Variants in SPATA13 observed in about 807,000 individuals in gnomAD.
The protein encoded by SPATA13 is spermatogenesis-associated protein 13.
SPATA13 carries 50 observed loss-of-function variants against 104.0 expected under a neutral mutation model. That is an observed-to-expected ratio of 0.48 (90% CI 0.38 to 0.61). The LOEUF is 0.61. SPATA13 is among the 20% of genes least tolerant of loss of function. The pLI is 0.00. For synonymous variants in SPATA13, 606 were observed against 667.5 expected (o/e 0.91, Z 1.42); for missense variants, 1,524 against 1,690.6 (o/e 0.90, Z 1.73).
At chr13:24,271,009 CCACTCTCTCT>C in intron 4 of SPATA13, 2 of 813,718 alleles carry the variant, frequency 2.5e-6, no homozygotes, top group East Asian at 2.6e-5. Flanking sequence ...CTCTCTCTCT[CCACTCTCTCT>C]CACTCTCTCT....
chr13:24,082,115 A>G (rs1261694712), intron 3 of SPATA13, among the ~76,000 whole-genome samples: 1 of 152,240 alleles, frequency 6.6e-6, no homozygotes, highest in African/African-American at 2.4e-5. Flanking sequence ...CACTTACTGC[A>G]ATCTACTGTG....
intron 3 of SPATA13, among the ~76,000 whole-genome samples, chr13:24,106,102 T>G (rs1227753417): frequency 3.9e-5 from 6 of 152,218 alleles, no homozygotes; most frequent in Non-Finnish European, 8.8e-5. Flanking sequence ...GGCACAATCA[T>G]GGCTCACTGC....
At chr13:24,217,901 C>T (rs1871347440) in intron 1 of SPATA13, among the ~76,000 whole-genome samples, 1 of 152,186 alleles carries the variant, frequency 6.6e-6, no homozygotes, top group Non-Finnish European at 1.5e-5. Flanking sequence ...CTCCCACCAC[C>T]ACTGCCCACT....
chr13:24,079,121 G>A (rs952061600), intron 3 of SPATA13, among the ~76,000 whole-genome samples: 1 of 152,192 alleles, frequency 6.6e-6, no homozygotes, highest in Non-Finnish European at 1.5e-5. Flanking sequence ...AGTGGCAGAA[G>A]GGAAGAGGGG....
chr13:24,219,047 T>C (rs1255058912), intron 1 of SPATA13, among the ~76,000 whole-genome samples: 1 of 147,770 alleles, frequency 6.8e-6, no homozygotes, highest in African/African-American at 2.5e-5. Context: ...TCATACACCC[T>C]AGAATCCAGC....
chr13:24,270,599 G>T, intron 4 of SPATA13: 1 of 648,990 alleles, frequency 1.5e-6, no homozygotes, highest in Middle Eastern at 4.4e-4. Context: ...TATAGGTTTT[G>T]CCTTAGTTTA....
At chr13:24,000,237 G>C (rs1247405677) in intron 2 of SPATA13, among the ~76,000 whole-genome samples, 1 of 152,244 alleles carries the variant, frequency 6.6e-6, no homozygotes, top group African/African-American at 2.4e-5. Context: ...TGGCCTAGGG[G>C]CTGGGAAGCC....
chr13:24,279,521 AACCCAGGCTTAAGTGGTGGGAGGGG>A (rs768523793), intron 4 of SPATA13, among the ~76,000 whole-genome samples: 93 of 152,024 alleles, frequency 6.1e-4, no homozygotes, highest in Non-Finnish European at 1.1e-3. Flanking sequence ...GCTGGATGGG[AACCCAGGCTTAAGTGGTGGGAGGGG>A]ACCCAGGCTT....
intron 2 of SPATA13, among the ~76,000 whole-genome samples, chr13:24,226,037 CAGGT>C (rs1258916552): frequency 1.3e-5 from 2 of 152,200 alleles, no homozygotes; most frequent in Non-Finnish European, 2.9e-5. Flanking sequence ...TCTCTGCAGG[CAGGT>C]AGTCCCAATG....
intron 10 of SPATA13, among the ~76,000 whole-genome samples, chr13:24,295,642 G>A (rs1221034495): frequency 6.7e-6 from 1 of 148,486 alleles, no homozygotes; most frequent in Non-Finnish European, 1.5e-5. Flanking sequence ...CAAATACAAT[G>A]CCTGTAATAA....
chr13:24,110,774 T>G (rs1880613687), intron 3 of SPATA13, among the ~76,000 whole-genome samples: 1 of 152,170 alleles, frequency 6.6e-6, no homozygotes, highest in Admixed American at 6.5e-5. Context: ...TAAAGCAGAT[T>G]ACACATGGGA....
At chr13:24,160,332 G>A (rs939686849), upstream of SPATA13, among the ~76,000 whole-genome samples, 1 of 152,116 alleles carries the variant, frequency 6.6e-6, no homozygotes, top group African/African-American at 2.4e-5. Flanking sequence ...TGCAACCTCC[G>A]CCTCTCGGGT....
intron 3 of SPATA13, among the ~76,000 whole-genome samples, chr13:24,072,556 C>T (rs1179029781): frequency 6.6e-6 from 1 of 152,196 alleles, no homozygotes; most frequent in East Asian, 1.9e-4. Context: ...CTCACTGCCT[C>T]TCCAGCCCCT....
At chr13:24,020,548 C>A (rs187795765) in intron 3 of SPATA13, among the ~76,000 whole-genome samples, 1 of 152,294 alleles carries the variant, frequency 6.6e-6, no homozygotes, top group East Asian at 1.9e-4. Context: ...TTGTATTTAA[C>A]CTTTAACAGT....
intron 2 of SPATA13, among the ~76,000 whole-genome samples, chr13:24,244,901 G>A (rs1873032961): frequency 6.6e-6 from 1 of 152,180 alleles, no homozygotes; most frequent in South Asian, 2.1e-4. Flanking sequence ...AGAGTTAAAA[G>A]GGCAGCAATT....
intron 3 of SPATA13, among the ~76,000 whole-genome samples, chr13:24,063,169 C>G (rs527598258): frequency 1.3e-5 from 2 of 152,084 alleles, no homozygotes; most frequent in Admixed American, 6.5e-5. Flanking sequence ...GTCTGCCCCA[C>G]GTGAGGGTGA....
chr13:24,256,750 G>T (rs1039661043), intron 4 of SPATA13, among the ~76,000 whole-genome samples: 4 of 152,340 alleles, frequency 2.6e-5, no homozygotes, highest in Admixed American at 1.3e-4. Flanking sequence ...TGTGGGACAG[G>T]CCTGAGTCAT....
intron 3 of SPATA13, among the ~76,000 whole-genome samples, chr13:24,027,525 T>C (rs1204837296): frequency 6.6e-6 from 1 of 152,236 alleles, no homozygotes; most frequent in East Asian, 1.9e-4. Context: ...TTCTGTGTTG[T>C]ATACTTGATC....
chr13:24,294,598 A>G, intron 9 of SPATA13, 141 bp from the exon 10 acceptor site: 1 of 850,640 alleles, frequency 1.2e-6, no homozygotes. Context: ...GGAACAAGAA[A>G]AAGGGAAACA....
Sources: allele counts gnomAD v4.1 joint callset (sites outside exome capture counted in the v4.1 genomes callset), GRCh38; gene constraint gnomAD v4.1.1; transcripts MANE v1.5; gene names NCBI Gene and HGNC (gene_info 2026-07-23, HGNC 2026-07-21).